The following IRF2 variants were observed in gnomAD, a reference collection of about 807,000 sequenced individuals.
IRF2 encodes interferon regulatory factor 2.
A neutral mutation model predicts 40.6 loss-of-function variants in IRF2; 15 were observed. The observed-to-expected ratio is 0.37, with a 90% CI of 0.25 to 0.57. The LOEUF is 0.57. Ranked by LOEUF, IRF2 falls within the 20% of genes least tolerant of loss-of-function variation. IRF2 has a pLI of 0.77. For synonymous variants in IRF2, 151 were observed against 165.5 expected (o/e 0.91, Z 0.67); for missense variants, 317 against 455.7 (o/e 0.70, Z 2.77).
chr4:184,431,623 C>T (rs1396738386), intron 1 of IRF2, among the ~76,000 whole-genome samples: 2 of 151,922 alleles, frequency 1.3e-5, no homozygotes, highest in Non-Finnish European at 2.9e-5. Context: ...GAGGGAAGAG[C>T]GAGGGAAGAG....
intron 5 of IRF2, among the ~76,000 whole-genome samples, chr4:184,412,304 G>T (rs1205019840): frequency 6.6e-6 from 1 of 152,086 alleles, no homozygotes; most frequent in Non-Finnish European, 1.5e-5. Context: ...ACCTTTAGCT[G>T]GTCTTGAAGC....
At chr4:184,396,165 C>T (rs185863109) in intron 7 of IRF2, among the ~76,000 whole-genome samples, 21 of 152,318 alleles carry the variant, frequency 1.4e-4, no homozygotes, top group Middle Eastern at 3.4e-3. Flanking sequence ...TTTCACGCTT[C>T]GGTTAGCTCT....
intron 1 of IRF2, among the ~76,000 whole-genome samples, chr4:184,472,976 G>T (rs1487348901): frequency 6.6e-6 from 1 of 152,190 alleles, no homozygotes; most frequent in African/African-American, 2.4e-5. Flanking sequence ...GGCGCGTGCT[G>T]GGAGGGGCAT....
At chr4:184,423,452 A>G (rs6827018) in intron 2 of IRF2, among the ~76,000 whole-genome samples, 18,008 of 152,134 alleles carry the variant, frequency 0.12, 1,195 homozygotes, top group South Asian at 0.19. Flanking sequence ...CTTCCCCCCA[A>G]CATTTGCAAG....
chr4:184,436,282 G>A (rs1738075396), intron 1 of IRF2, among the ~76,000 whole-genome samples: 1 of 152,054 alleles, frequency 6.6e-6, no homozygotes, highest in African/African-American at 2.4e-5. Context: ...GCCATGGAAC[G>A]CCTTTTCTTA....
chr4:184,473,448 G>C (rs1157337629), intron 1 of IRF2, among the ~76,000 whole-genome samples: 1 of 147,544 alleles, frequency 6.8e-6, no homozygotes, highest in Non-Finnish European at 1.5e-5. Flanking sequence ...TGACCCCTCG[G>C]CACGGTGCCT....
chr4:184,392,594 C>T lies in IRF2; in HGVS notation c.695-1845G>A, dbSNP rs1424594833. On this transcript the variant is annotated intron_variant, in intron 7 of 8. Transcript: ENST00000393593. ...GGGGCTGGCCTCTGTCTCACATCTTCCTGGTGGCAGAGCTGGGATGAGATG... is the reference window on the plus strand; with the variant it reads ...GGGGCTGGCCTCTGTCTCACATCTTTCTGGTGGCAGAGCTGGGATGAGATG... 3.9e-5 allele frequency among the ~76,000 whole-genome samples: 6 copies of T among 152,190 alleles called. No individual in the cohort carries two copies. The East Asian group carries it at 1.2e-3, about 29-fold the overall frequency.
intron 1 of IRF2, among the ~76,000 whole-genome samples, chr4:184,431,244 G>T (rs1327052702): frequency 2.0e-5 from 3 of 152,204 alleles, no homozygotes; most frequent in Non-Finnish European, 1.5e-5. Context: ...GCTGCTCTTG[G>T]TCTCATTCAT....
At chr4:184,434,924 C>T (rs981580531) in intron 1 of IRF2, among the ~76,000 whole-genome samples, 5 of 152,186 alleles carry the variant, frequency 3.3e-5, no homozygotes, top group Non-Finnish European at 7.3e-5. Flanking sequence ...TGGGACACAC[C>T]TGTCTTTTCA....
intron 1 of IRF2, among the ~76,000 whole-genome samples, chr4:184,465,567 T>C (rs2149919049): frequency 1.3e-5 from 2 of 152,228 alleles, no homozygotes; most frequent in African/African-American, 4.8e-5. Flanking sequence ...TACCCCAATA[T>C]ACACATATGT....
chr4:184,435,018 C>T (rs793812), intron 1 of IRF2, among the ~76,000 whole-genome samples: 55,808 of 151,978 alleles, frequency 0.37, 10,320 homozygotes, highest in South Asian at 0.45. Context: ...CACTGCATTC[C>T]AGCCTGGGTG....
At chr4:184,427,762 A>G (rs11726275) in intron 2 of IRF2, among the ~76,000 whole-genome samples, 52,739 of 152,146 alleles carry the variant, frequency 0.35, 9,366 homozygotes, top group South Asian at 0.45. Flanking sequence ...GTTAAAAAAA[A>G]TTATACTGCA....
intron 1 of IRF2, among the ~76,000 whole-genome samples, chr4:184,464,328 G>A (rs996713545): frequency 3.9e-5 from 6 of 152,114 alleles, no homozygotes; most frequent in Non-Finnish European, 8.8e-5. Flanking sequence ...AGGGTATGAA[G>A]ATGGGGACCA....
At chr4:184,427,971 G>C (rs550892872) in intron 2 of IRF2, among the ~76,000 whole-genome samples, 5 of 152,108 alleles carry the variant, frequency 3.3e-5, no homozygotes, top group Admixed American at 2.0e-4. Context: ...TTCTCTCCTG[G>C]GCCTCCTTAA....
At position 184,402,670 on chromosome 4, in the gene IRF2, C is replaced by T. The variant is rs573372795; in HGVS notation, c.530-3591G>A. Among the ~76,000 whole-genome samples, 47 of 152,156 alleles carry T rather than the reference C, an allele frequency of 3.1e-4. No homozygotes were observed. In the South Asian group the frequency reaches 9.3e-3, roughly 30 times the overall value. The stretch of plus-strand genomic sequence containing the variant: ...AGTGGAGTCCTGCAGGGGATTGTGA[C>T]AATCTGCAAATACGGGACGTGACAA... On this transcript the variant is annotated intron_variant, in intron 6 of 8. Coordinates refer to ENST00000393593, the MANE Select transcript of IRF2 (RefSeq NM_002199.4).
At chr4:184,473,815 C>G (rs1385472764) in intron 1 of IRF2, among the ~76,000 whole-genome samples, 1 of 151,914 alleles carries the variant, frequency 6.6e-6, no homozygotes, top group East Asian at 1.9e-4. Flanking sequence ...ACGCTGGAGG[C>G]AGCCTGGAGA....
intron 1 of IRF2, among the ~76,000 whole-genome samples, chr4:184,431,168 A>G (rs1737863744): frequency 6.6e-6 from 1 of 152,230 alleles, no homozygotes; most frequent in African/African-American, 2.4e-5. Context: ...ATTCTTTGAG[A>G]CACAAACGGG....
At chr4:184,469,497 C>T (rs542991552) in intron 1 of IRF2, among the ~76,000 whole-genome samples, 55 of 152,214 alleles carry the variant, frequency 3.6e-4, no homozygotes, top group African/African-American at 1.3e-3. Flanking sequence ...GGCAACATAG[C>T]GAGACCCCGT....
intron 1 of IRF2, among the ~76,000 whole-genome samples, chr4:184,433,473 CCTGTCTAGTAAG>C (rs1226178599): frequency 6.6e-6 from 1 of 152,180 alleles, no homozygotes; most frequent in Non-Finnish European, 1.5e-5. Context: ...ACGCAACATG[CCTGTCTAGTAAG>C]GATGCAGCTC....
Sources: allele counts gnomAD v4.1 joint callset (sites outside exome capture counted in the v4.1 genomes callset), GRCh38; gene constraint gnomAD v4.1.1; transcripts MANE v1.5; gene names NCBI Gene and HGNC (gene_info 2026-07-23, HGNC 2026-07-21).